Variants in CNGB3 observed in about 807,000 individuals in gnomAD.
CNGB3 encodes the protein cyclic nucleotide gated channel subunit beta 3.
In CNGB3, 86 loss-of-function variants were observed where a neutral mutation model predicts 92.8. The ratio of observed to expected loss-of-function variants is 0.93; its 90% confidence interval spans 0.78 to 1.11. The LOEUF is 1.11. CNGB3 is among the 50% of genes least tolerant of loss of function. CNGB3 has a pLI of 0.00. For synonymous variants in CNGB3, 333 were observed against 332.7 expected (o/e 1.00, Z -0.01); for missense variants, 1,026 against 956.8 (o/e 1.07, Z -0.95).
intron 15 of CNGB3, among the ~76,000 whole-genome samples, chr8:86,588,108 T>A (rs1389159692): frequency 7.0e-6 from 1 of 142,294 alleles, no homozygotes; most frequent in Non-Finnish European, 1.5e-5. Flanking sequence ...CAATTGTGAA[T>A]GGGAGTTCAC....
chr8:86,658,844 C>T lies in CNGB3; in HGVS notation c.853-4782G>A, dbSNP rs1022052994. Reference sequence around the variant, plus strand: ...CATGACTGATGGTGGTGAGGTCATTCTGCATGGTCTCCAGGGTTTGCCTGT... The same window carrying T: ...CATGACTGATGGTGGTGAGGTCATTTTGCATGGTCTCCAGGGTTTGCCTGT... On this transcript the variant is annotated intron_variant, in intron 6 of 17. Coordinates refer to ENST00000320005, the MANE Select transcript of CNGB3 (RefSeq NM_019098.5). The T allele has an allele frequency of 1.4e-5, 9 of 635,736 alleles. No individual in the cohort carries two copies. In the African/African-American group the frequency reaches 1.6e-4, roughly 11 times the overall value. 39.4% of individuals were successfully genotyped at this position (635,736 alleles called of 1,614,324 possible).
Position 86,643,762 on chromosome 8 carries a change from C to A in CNGB3, c.1167G>T (p.Gly389=). The A allele has an allele frequency of 1.9e-6, 3 of 1,605,190 alleles. No homozygotes were observed. Among genetic ancestry groups the A allele is most frequent in the Non-Finnish European group, 2.6e-6 (3 of 1,174,790 alleles). The change falls in exon 10 of 18, where the codon GGG becomes GGT. Residue 389 remains glycine (G), a synonymous_variant. Coordinates refer to ENST00000320005, the MANE Select transcript of CNGB3 (RefSeq NM_019098.5). ...AAATCAGAACTTACTCGTTTCCTTCCCCATCATACACCCATCTAGTAGTGC... is the reference window on the plus strand; with the variant it reads ...AAATCAGAACTTACTCGTTTCCTTCACCATCATACACCCATCTAGTAGTGC... ...GIGTTRWVYD[G]EGNEYLRCYY...
At chr8:86,623,145 A>G (rs1445650163) in intron 13 of CNGB3, among the ~76,000 whole-genome samples, 3 of 152,142 alleles carry the variant, frequency 2.0e-5, no homozygotes, top group African/African-American at 7.2e-5. Context: ...TTAAGTGATC[A>G]CATTGAGTCC....
At chr8:86,709,223 T>C (rs1376850728) in intron 3 of CNGB3, among the ~76,000 whole-genome samples, 4 of 152,186 alleles carry the variant, frequency 2.6e-5, no homozygotes, top group South Asian at 2.1e-4. Flanking sequence ...TTCATTGTTA[T>C]AGAAGTAGAA....
intron 10 of CNGB3, among the ~76,000 whole-genome samples, chr8:86,637,755 G>A (rs566193080): frequency 8.5e-5 from 13 of 152,116 alleles, no homozygotes; most frequent in African/African-American, 2.9e-4. Flanking sequence ...GTGTAGAAAT[G>A]CTACTGATTT....
At chr8:86,613,821 A>T (rs1822563338) in intron 13 of CNGB3, among the ~76,000 whole-genome samples, 1 of 150,216 alleles carries the variant, frequency 6.7e-6, no homozygotes. Context: ...CATGGGAAAT[A>T]TTAGTGATTT....
intron 15 of CNGB3, among the ~76,000 whole-genome samples, chr8:86,589,755 C>T (rs1821984756): frequency 6.6e-6 from 1 of 151,794 alleles, no homozygotes; most frequent in Non-Finnish European, 1.5e-5. Flanking sequence ...AGCTTTACTT[C>T]CAAGTATGTG....
chr8:86,647,662 G>T, intron 8 of CNGB3, 139 bp downstream of exon 8: 2 of 612,804 alleles, frequency 3.3e-6, no homozygotes, highest in South Asian at 3.9e-5. Flanking sequence ...GATGAGGGCA[G>T]AAAGATGGAG....
intron 3 of CNGB3, among the ~76,000 whole-genome samples, chr8:86,693,413 AT>A (rs71503463): frequency 0.18 from 21,871 of 121,716 alleles, 1,791 homozygotes; most frequent in African/African-American, 0.28. Flanking sequence ...AACTTTGTTC[AT>A]TTTTTTTTAT....
chr8:86,617,113 A>G (rs1822635999), intron 13 of CNGB3, among the ~76,000 whole-genome samples: 1 of 152,168 alleles, frequency 6.6e-6, no homozygotes, highest in Non-Finnish European at 1.5e-5. Flanking sequence ...TGGAGTTGGG[A>G]GAAATGTTAT....
chr8:86,646,490 G>A lies in CNGB3; in HGVS notation c.990+1311C>T, dbSNP rs371968870. Among the ~76,000 whole-genome samples, 38 of 151,162 alleles carry A rather than the reference G, an allele frequency of 2.5e-4. 1 individual carries two copies. The South Asian group carries it at 7.5e-3, about 30-fold the overall frequency. ...GCAGTGTGTCTGGACAGATTTTTCC[G>A]CCATGCTAATTCTCATTTTCTTCGT... On this transcript the variant is annotated intron_variant, in intron 8 of 17. Coordinates refer to ENST00000320005, the MANE Select transcript of CNGB3 (RefSeq NM_019098.5).
intron 3 of CNGB3, among the ~76,000 whole-genome samples, chr8:86,671,508 G>T (rs1034748276): frequency 6.6e-6 from 1 of 152,212 alleles, no homozygotes; most frequent in Non-Finnish European, 1.5e-5. Context: ...AGTAGTCCAT[G>T]TTATGTGGCA....
At position 86,726,554 on chromosome 8, in the gene CNGB3, GTCCATT is replaced by G; in HGVS notation, c.309_314del (p.Glu103_Met104del). On this transcript the variant is annotated inframe_deletion, in exon 3 of 18. Coordinates refer to ENST00000320005, the MANE Select transcript of CNGB3 (RefSeq NM_019098.5). ...ACCTGTTTGGACCTTCTTTCCCGGG[GTCCATT>G]TCCTTCTGCTCTGGCACTGTTCCAG... The G allele has an allele frequency of 6.2e-7, 1 of 1,613,732 alleles. No individual in the cohort carries two copies. The highest frequency in any genetic ancestry group is 8.5e-7 in the Non-Finnish European group (1 of 1,179,766).
At position 86,604,216 on chromosome 8, in the gene CNGB3, A is replaced by C. The variant is rs964530890; in HGVS notation, c.1663-5T>G. On this transcript the variant is annotated splice_region_variant and splice_polypyrimidine_tract_variant and intron_variant, in intron 14 of 17. Transcript: ENST00000320005. ...CATTTCCTTGCCAATTTCTCCCTAC[A>C]TTTTAAATATAAAGAGGAAATGGTA... is the stretch of plus-strand genomic sequence containing the variant. The C allele has an allele frequency of 1.9e-6, 3 of 1,549,256 alleles. No homozygotes were observed. Among genetic ancestry groups the C allele is most frequent in the Non-Finnish European group, 1.8e-6 (2 of 1,121,224 alleles).
chr8:86,739,441 T>A (rs1435415620), intron 2 of CNGB3, among the ~76,000 whole-genome samples: 1 of 152,328 alleles, frequency 6.6e-6, no homozygotes, highest in Non-Finnish European at 1.5e-5. Flanking sequence ...GCCTGGCACA[T>A]GTCAGGTGAT....
intron 3 of CNGB3, among the ~76,000 whole-genome samples, chr8:86,712,164 C>T (rs1199754878): frequency 2.0e-5 from 3 of 151,968 alleles, no homozygotes; most frequent in Non-Finnish European, 1.5e-5. Context: ...ATTTAAATAT[C>T]GTTATCAACC....
intron 13 of CNGB3, among the ~76,000 whole-genome samples, chr8:86,618,513 C>T (rs1294030405): frequency 6.9e-6 from 1 of 144,400 alleles, no homozygotes; most frequent in East Asian, 2.1e-4. Flanking sequence ...TATTTAGTAT[C>T]TCCCCTCCCT....
intron 3 of CNGB3, among the ~76,000 whole-genome samples, chr8:86,699,974 A>G (rs780889394): frequency 3.3e-4 from 50 of 151,684 alleles, no homozygotes; most frequent in Non-Finnish European, 5.6e-4. Context: ...TTTGCTTTCA[A>G]TCCAAATCAA....
In CNGB3 at chr8:86,574,395, T is replaced by G. The variant is rs1400578694; in HGVS notation, c.*1409A>C. On this transcript the variant is annotated 3_prime_UTR_variant, in exon 18 of 18. Coordinates refer to ENST00000320005, the MANE Select transcript of CNGB3 (RefSeq NM_019098.5). ...CTCCCATTTATCAAATAAATACTAT[T>G]TAACAATTTGTCCATATTCCCTTAA... 5 of 152,220 alleles carry G rather than the reference T, an allele frequency of 3.3e-5. No individual in the cohort carries two copies. The highest frequency in any genetic ancestry group is 7.3e-5 in the Non-Finnish European group (5 of 68,040). The allele number at this position is 152,220 out of a possible 1,614,324, so 9.4% of individuals were successfully genotyped here.
Sources: allele counts gnomAD v4.1 joint callset (sites outside exome capture counted in the v4.1 genomes callset), GRCh38; gene constraint gnomAD v4.1.1; transcripts MANE v1.5; gene names NCBI Gene and HGNC (gene_info 2026-07-23, HGNC 2026-07-21).